GSN: variants seen among roughly 807,000 people sequenced by gnomAD.
The protein encoded by GSN is gelsolin, also known as actin-depolymerizing factor.
Under a neutral mutation model 85.7 loss-of-function variants are expected in GSN, and 56 were observed. That is an observed-to-expected ratio of 0.65 (90% CI 0.53 to 0.82). GSN has a LOEUF of 0.82. GSN is among the 40% of genes least tolerant of loss of function. The pLI is 0.00. For synonymous variants in GSN, 373 were observed against 399.1 expected (o/e 0.93, Z 0.78); for missense variants, 857 against 979.8 (o/e 0.87, Z 1.67).
upstream of GSN, among the ~76,000 whole-genome samples, chr9:121,263,822 G>A (rs976205427): frequency 1.3e-4 from 20 of 150,470 alleles, no homozygotes; most frequent in African/African-American, 4.4e-4. Flanking sequence ...CTGGGAGGTG[G>A]AGGTTGCGGT....
chr9:121,248,180 CTCTT>C (rs1248738320), intron 5 of GSN: 1 of 144,400 alleles, frequency 6.9e-6, no homozygotes, highest in Non-Finnish European at 1.5e-5. Flanking sequence ...AAGCCCTTGA[CTCTT>C]TTTTTTTAGC....
At chr9:121,228,424 A>ATATATATATAT in intron 4 of GSN, among the ~76,000 whole-genome samples, 1 of 48,120 alleles carries the variant, frequency 2.1e-5, no homozygotes, top group Non-Finnish European at 3.6e-5. Context: ...ATATATATAT[A>ATATATATATAT]TTTTTTTTTT....
intron 14 of GSN, 54 bp downstream of exon 14, chr9:121,327,536 C>T (rs2063374364): frequency 7.0e-7 from 1 of 1,422,774 alleles, no homozygotes; most frequent in Non-Finnish European, 9.5e-7. Context: ...ATTAAGTTTC[C>T]CCCTTCTTTC....
chr9:121,318,847 C>T lies in GSN; in HGVS notation c.1158C>T (p.His386=), dbSNP rs201365952. ...CCTCCACTGCCATGGCCGCCCAGCA[C>T]GGCATGGATGACGATGGCACAGGCC... is the stretch of plus-strand genomic sequence containing the variant. The part of the protein sequence containing the change: ...LHTSTAMAAQ[H]GMDDDGTGQK... Residue 386 remains histidine (H), a synonymous_variant, in exon 10 of 18, where the codon CAC becomes CAT. Coordinates refer to ENST00000432226, the MANE Select transcript of GSN (RefSeq NM_198252.3). This position sits in a 1 kb window ranked among gnomAD's most constrained non-coding sequence, Gnocchi z 4.3. The T allele has an allele frequency of 2.1e-5, 34 of 1,613,960 alleles. No individual in the cohort carries two copies. The highest frequency in any genetic ancestry group is 6.7e-5 in the East Asian group (3 of 44,894).
chr9:121,275,274 C>G (rs1481361332), intron 1 of GSN, among the ~76,000 whole-genome samples: 1 of 152,228 alleles, frequency 6.6e-6, no homozygotes, highest in Non-Finnish European at 1.5e-5. Flanking sequence ...GCCCTAAGAC[C>G]TTGAGGACAT....
intron 2 of GSN, chr9:121,210,185 A>G (rs1017070452): frequency 4.6e-5 from 7 of 152,190 alleles, no homozygotes; most frequent in Admixed American, 2.6e-4. Context: ...CCCACTCTCT[A>G]TGTCCATAAT....
At chr9:121,238,100 T>C (rs1288595647) in intron 5 of GSN, 2 of 152,276 alleles carry the variant, frequency 1.3e-5, no homozygotes, top group Non-Finnish European at 2.9e-5. Flanking sequence ...TATTAAGCAG[T>C]GATGAAACAG....
At chr9:121,274,281 G>T (rs1311096085) in intron 1 of GSN, among the ~76,000 whole-genome samples, 1 of 151,990 alleles carries the variant, frequency 6.6e-6, no homozygotes, top group Admixed American at 6.6e-5. Flanking sequence ...AGAAATAAAT[G>T]CCCACCCGAG....
In GSN at chr9:121,299,381, C is replaced by G. The variant is rs2059534557; in HGVS notation, c.-9-2582C>G. The G allele has an allele frequency of 1.0e-6, 1 of 969,952 alleles. No individual in the cohort carries two copies. Among genetic ancestry groups the G allele is most frequent in the Non-Finnish European group, 1.2e-6 (1 of 815,780 alleles). The allele number at this position is 969,952 out of a possible 1,614,324, so 60.1% of individuals were successfully genotyped here. A position where few individuals can be genotyped will look rare whatever the true frequency, so the allele number is the denominator to read the frequency against. On this transcript the variant is annotated intron_variant, in intron 2 of 17. Coordinates refer to ENST00000432226, the MANE Select transcript of GSN (RefSeq NM_198252.3). The surrounding 1 kb of genome is among the most constrained non-coding windows in gnomAD (Gnocchi z 4.2). ...GGCAGCACCATTTACAAGCTGTGTG[C>G]AAGTTGCTTCACCACTCTGCGCTGT...
chr9:121,295,063 C>G (rs1445715413), intron 2 of GSN, among the ~76,000 whole-genome samples: 3 of 152,164 alleles, frequency 2.0e-5, no homozygotes, highest in African/African-American at 7.2e-5. Context: ...ACGTTTCTCC[C>G]GCACCATCAC....
chr9:121,301,889 C>T lies in GSN; in HGVS notation c.-9-74C>T, dbSNP rs543349584. ...GTGAGATGCTCTTGGTGCTAGAAAC[C>T]GCCCTCCCTCATGCCTGGGGTCTCT... On this transcript the variant is annotated intron_variant, in intron 2 of 17. Coordinates refer to ENST00000432226, the MANE Select transcript of GSN (RefSeq NM_198252.3). 2.9e-5 allele frequency: 46 copies of T among 1,608,902 alleles called. 1 individual carries two copies. The African/African-American group carries it at 3.3e-4, about 12-fold the overall frequency.
At chr9:121,280,857 T>C (rs1470698199) in intron 1 of GSN, 1 of 152,270 alleles carries the variant, frequency 6.6e-6, no homozygotes, top group African/African-American at 2.4e-5. Context: ...GTAAACTGAA[T>C]TCAGCCATGC....
At chr9:121,310,623 T>G (rs189497483) in intron 4 of GSN, 61 bp from the exon 5 acceptor site, 9 of 1,542,420 alleles carry the variant, frequency 5.8e-6, no homozygotes, top group Admixed American at 1.7e-5. Flanking sequence ...TGTCCCCTTC[T>G]TCCATATCTG....
intron 5 of GSN, among the ~76,000 whole-genome samples, chr9:121,237,791 G>C (rs1375769362): frequency 2.0e-5 from 3 of 152,168 alleles, no homozygotes; most frequent in African/African-American, 7.2e-5. Flanking sequence ...AAGTCCAAGA[G>C]ACCCAGATAA....
chr9:121,289,041 G>C (rs1440087346), intron 2 of GSN, among the ~76,000 whole-genome samples: 1 of 152,166 alleles, frequency 6.6e-6, no homozygotes, highest in Non-Finnish European at 1.5e-5. Context: ...TATGGCAACT[G>C]GGCAGGCTCT....
At position 121,332,739 on chromosome 9, in the gene GSN, T is replaced by A. The variant is rs1198840124; in HGVS notation, c.*136T>A. 1 of 639,460 alleles carries A rather than the reference T, an allele frequency of 1.6e-6. No homozygotes were observed. The allele number at this position is 639,460 out of a possible 1,614,324, so 39.6% of individuals were successfully genotyped here. On this transcript the variant is annotated 3_prime_UTR_variant, in exon 18 of 18. Transcript: ENST00000432226. The surrounding 1 kb of genome is among the most constrained non-coding windows in gnomAD (Gnocchi z 4.8). ...GTGTGTTGTTTCTTTTTTTTTTTTT[T>A]ACAGTATCCAAAAATAGCCCTGCAA...
chr9:121,315,852 A>C (rs930880217), intron 7 of GSN, among the ~76,000 whole-genome samples: 3 of 152,210 alleles, frequency 2.0e-5, no homozygotes, highest in African/African-American at 7.2e-5. Context: ...CAGGTCAGCT[A>C]TTTCTAGCTG....
At chr9:121,295,975 C>T (rs1010917619) in intron 2 of GSN, among the ~76,000 whole-genome samples, 19 of 152,232 alleles carry the variant, frequency 1.2e-4, no homozygotes, top group Non-Finnish European at 2.8e-4. Flanking sequence ...ACTAAATGGC[C>T]ACAGCCTGGG....
chr9:121,302,904 C>G lies in GSN; in HGVS notation c.197-7C>G, dbSNP rs754716980. 10 of 1,613,444 alleles carry G rather than the reference C, an allele frequency of 6.2e-6. No homozygotes were observed. In the South Asian group the frequency reaches 9.9e-5, roughly 16 times the overall value. ...AGCCAGGCTCATATTGCTCTGATGT[C>G]CCGTAGGCAATGAGTGCAGCCAGGA... On this transcript the variant is annotated splice_polypyrimidine_tract_variant and splice_region_variant and intron_variant, in intron 3 of 17. Coordinates refer to ENST00000432226, the MANE Select transcript of GSN (RefSeq NM_198252.3).
Sources: allele counts gnomAD v4.1 joint callset (sites outside exome capture counted in the v4.1 genomes callset), GRCh38; gene constraint gnomAD v4.1.1; non-coding constraint Gnocchi (gnomAD v3.1); transcripts MANE v1.5; gene names NCBI Gene and HGNC (gene_info 2026-07-23, HGNC 2026-07-21).